Variants in ASTN1 observed in about 807,000 individuals in gnomAD.
ASTN1 encodes the protein astrotactin-1.
A neutral mutation model predicts 140.7 loss-of-function variants in ASTN1; 41 were observed. The observed-to-expected ratio is 0.29, with a 90% CI of 0.23 to 0.38. The LOEUF (loss-of-function observed/expected upper bound fraction) is 0.38, where lower values mean the gene tolerates loss of function less well. ASTN1 is among the 10% of genes least tolerant of loss of function. ASTN1 has a pLI of 1.00. For synonymous variants in ASTN1, 640 were observed against 652.2 expected (o/e 0.98, Z 0.29); for missense variants, 1,479 against 1,678.8 (o/e 0.88, Z 2.08).
At chr1:177,119,210 T>C (rs1263864391) in intron 1 of ASTN1, among the ~76,000 whole-genome samples, 2 of 152,184 alleles carry the variant, frequency 1.3e-5, no homozygotes. Flanking sequence ...CCCTCATCAA[T>C]GTCAACGACT....
At position 176,889,910 on chromosome 1, in the gene ASTN1, A is replaced by G. The variant is rs189915611; in HGVS notation, c.2941-1706T>C. On this transcript the variant is annotated intron_variant, in intron 17 of 22. Coordinates refer to ENST00000361833, the MANE Select transcript of ASTN1 (RefSeq NM_004319.3). ...CATGAAGCCTGGTGCATAAGTGCCC[A>G]CTTTATGCTTTGCCTGACTGATCCA... Among the ~76,000 whole-genome samples, 58 of 152,314 alleles carry G rather than the reference A, an allele frequency of 3.8e-4. 1 individual carries two copies. The highest frequency in any genetic ancestry group is 6.8e-3 in the Middle Eastern group (2 of 294).
At chr1:177,146,472 C>T in intron 1 of ASTN1, among the ~76,000 whole-genome samples, 1 of 152,162 alleles carries the variant, frequency 6.6e-6, no homozygotes, top group East Asian at 1.9e-4. Context: ...GAGACTTAAA[C>T]TTTTTTTATA....
At chr1:177,053,926 C>T (rs1358092517) in intron 2 of ASTN1, among the ~76,000 whole-genome samples, 1 of 152,162 alleles carries the variant, frequency 6.6e-6, no homozygotes, top group Non-Finnish European at 1.5e-5. Flanking sequence ...AATTTGTGTT[C>T]CATCATGGTT....
In ASTN1 at chr1:176,863,929, T is replaced by C; in HGVS notation, c.*355A>G. The C allele has an allele frequency of 3.7e-6, 4 of 1,069,520 alleles. No homozygotes were observed. Among genetic ancestry groups the C allele is most frequent in the Non-Finnish European group, 4.5e-6 (4 of 881,042 alleles). The allele number at this position is 1,069,520 out of a possible 1,614,324, so 66.3% of individuals were successfully genotyped here. A position where few individuals can be genotyped will look rare whatever the true frequency, so the allele number is the denominator to read the frequency against. On this transcript the variant is annotated 3_prime_UTR_variant, in exon 23 of 23. Transcript: ENST00000361833. The stretch of plus-strand genomic sequence containing the variant: ...AGGAACTGAGTGAGCACAGGGTGCC[T>C]ACTTAATAGACTTTTCATGGGGAGC...
At chr1:176,971,639 T>C (rs535460024) in intron 8 of ASTN1, among the ~76,000 whole-genome samples, 5 of 152,300 alleles carry the variant, frequency 3.3e-5, no homozygotes, top group East Asian at 1.9e-4. Context: ...ATTTCCTTGT[T>C]ATATTCTCTC....
chr1:176,871,780 A>G (rs1553218495), intron 21 of ASTN1, among the ~76,000 whole-genome samples: 1 of 152,250 alleles, frequency 6.6e-6, no homozygotes, highest in Non-Finnish European at 1.5e-5. Context: ...AACTTAAACA[A>G]TGGAAAATAG....
intron 20 of ASTN1, 115 bp downstream of exon 20, chr1:176,882,735 AAGACTTCAG>A: frequency 1.5e-6 from 2 of 1,345,490 alleles, no homozygotes; most frequent in South Asian, 1.4e-5. Flanking sequence ...CACCTGGGAT[AAGACTTCAG>A]AGACTCAACA....
At chr1:177,010,438 A>G (rs916952211) in intron 8 of ASTN1, among the ~76,000 whole-genome samples, 1 of 152,182 alleles carries the variant, frequency 6.6e-6, no homozygotes, top group Non-Finnish European at 1.5e-5. Flanking sequence ...TTTGTTGCCA[A>G]CCTCAAAGAC....
chr1:177,061,999 A>T (rs929279272), intron 1 of ASTN1, among the ~76,000 whole-genome samples: 1 of 152,146 alleles, frequency 6.6e-6, no homozygotes, highest in African/African-American at 2.4e-5. Context: ...AGCATCAATG[A>T]CTTAATAGCA....
At chr1:177,038,755 C>A (rs571968732) in intron 2 of ASTN1, among the ~76,000 whole-genome samples, 44 of 152,118 alleles carry the variant, frequency 2.9e-4, no homozygotes, top group African/African-American at 9.9e-4. Context: ...GAATAACACA[C>A]GTATGGTTCC....
At chr1:177,050,750 T>C (rs936682337) in intron 2 of ASTN1, among the ~76,000 whole-genome samples, 9 of 152,196 alleles carry the variant, frequency 5.9e-5, no homozygotes, top group Admixed American at 1.3e-4. Flanking sequence ...GACCAAGAGC[T>C]ACCATAAACT....
intron 1 of ASTN1, among the ~76,000 whole-genome samples, chr1:177,089,735 G>A (rs1679650863): frequency 6.6e-6 from 1 of 152,046 alleles, no homozygotes; most frequent in Non-Finnish European, 1.5e-5. Context: ...AGTACTGTCA[G>A]GCATGCTGGG....
chr1:176,927,063 G>A (rs939224818), intron 16 of ASTN1, among the ~76,000 whole-genome samples: 4 of 152,162 alleles, frequency 2.6e-5, no homozygotes, highest in African/African-American at 7.2e-5. Context: ...GAAATACAAT[G>A]CCATGTAGGT....
chr1:176,946,784 A>G (rs921629421), intron 12 of ASTN1, among the ~76,000 whole-genome samples: 1 of 152,236 alleles, frequency 6.6e-6, no homozygotes, highest in African/African-American at 2.4e-5. Flanking sequence ...CTTCCTTGGC[A>G]TCCTCCTCAT....
rs1362451755 is a variant in ASTN1, at chr1:176,958,325, A to T, written c.1736+20T>A. On this transcript the variant is annotated intron_variant, in intron 10 of 22. Coordinates refer to ENST00000361833, the MANE Select transcript of ASTN1 (RefSeq NM_004319.3). ...GCTTCCCAAGCCAATTGCAGGCCTCAGTCCTGAAGCCAGACTCACCTGACC... is the reference window on the plus strand; with the variant it reads ...GCTTCCCAAGCCAATTGCAGGCCTCTGTCCTGAAGCCAGACTCACCTGACC... 1.2e-6 allele frequency: 2 copies of T among 1,613,304 alleles called. No individual in the cohort carries two copies. The highest frequency in any genetic ancestry group is 4.5e-5 in the East Asian group (2 of 44,828).
intron 11 of ASTN1, among the ~76,000 whole-genome samples, chr1:176,952,987 A>C (rs1330351239): frequency 1.3e-5 from 2 of 152,250 alleles, no homozygotes; most frequent in Admixed American, 1.3e-4. Context: ...AAAAAGGTTG[A>C]GCAAATGAGC....
In ASTN1 at chr1:176,974,994, G is replaced by C. The variant is rs12088901; in HGVS notation, c.1524-9757C>G. 1.2e-4 allele frequency among the ~76,000 whole-genome samples: 19 copies of C among 152,286 alleles called. No homozygotes were observed. The East Asian group carries it at 3.7e-3, about 29-fold the overall frequency. ...TTGACTCCCAGCACCTGTCTTAGAG[G>C]GAGAAGGGCTAGCTGCTCCTTTGAT... On this transcript the variant is annotated intron_variant, in intron 8 of 22. Transcript: ENST00000361833.
chr1:176,928,417 A>G (rs1376706590), intron 16 of ASTN1, among the ~76,000 whole-genome samples: 8 of 152,260 alleles, frequency 5.3e-5, no homozygotes, highest in Non-Finnish European at 8.8e-5. Context: ...CAAGTCTATT[A>G]TTATGGAAGA....
chr1:177,016,434 G>A (rs1288194395), intron 7 of ASTN1, among the ~76,000 whole-genome samples: 1 of 152,146 alleles, frequency 6.6e-6, no homozygotes, highest in Non-Finnish European at 1.5e-5. Flanking sequence ...GGCTTCAGTG[G>A]TACTGAGCTA....
Sources: allele counts gnomAD v4.1 joint callset (sites outside exome capture counted in the v4.1 genomes callset), GRCh38; gene constraint gnomAD v4.1.1; transcripts MANE v1.5; gene names NCBI Gene and HGNC (gene_info 2026-07-23, HGNC 2026-07-21).